Variants in SPTB observed in about 807,000 individuals in gnomAD.
SPTB encodes spectrin beta, erythrocytic, also known as spectrin beta chain, erythrocytic.
SPTB carries 45 observed loss-of-function variants against 256.2 expected under a neutral mutation model. The observed-to-expected ratio is 0.18, with a 90% confidence interval of 0.14 to 0.23. The LOEUF is 0.23. Ranked by LOEUF, SPTB falls within the 10% of genes least tolerant of loss-of-function variation. The pLI is 1.00. For missense variants in SPTB, 2,715 were observed against 3,040.4 expected (o/e 0.89, Z 2.52); for synonymous variants, 1,231 against 1,243.1 (o/e 0.99, Z 0.21).
At chr14:64,766,965 C>T (rs942781110) in intron 31 of SPTB, among the ~76,000 whole-genome samples, 164 bp from the exon 32 acceptor site, 5 of 152,170 alleles carry the variant, frequency 3.3e-5, no homozygotes, top group Non-Finnish European at 5.9e-5. Flanking sequence ...CGCCCAGCGA[C>T]TTCTTCGGAA....
At chr14:64,794,915 T>C (rs954760997) in intron 12 of SPTB, among the ~76,000 whole-genome samples, 7 of 152,206 alleles carry the variant, frequency 4.6e-5, no homozygotes, top group Admixed American at 1.3e-4. Flanking sequence ...CCAGGGGCAG[T>C]CTGATGTGTG....
intron 1 of SPTB, among the ~76,000 whole-genome samples, chr14:64,831,075 G>C (rs1243819529): frequency 6.6e-6 from 1 of 152,030 alleles, no homozygotes; most frequent in East Asian, 1.9e-4. Context: ...CCCTCAAGTG[G>C]AGGGGGCAGG....
chr14:64,764,409 G>A lies in SPTB; in HGVS notation c.6345+2317C>T, dbSNP rs551972234. On this transcript the variant is annotated intron_variant, in intron 32 of 35. Coordinates refer to ENST00000644917, the MANE Select transcript of SPTB (RefSeq NM_001355436.2). The surrounding 1 kb of genome is among the most constrained non-coding windows in gnomAD (Gnocchi z 4.2). ...AGGAAATCTGTGCGTGAGGCCTTGGGTCTGTGTTCGTTTGAGTCACCATCT... is the reference window on the plus strand; with the variant it reads ...AGGAAATCTGTGCGTGAGGCCTTGGATCTGTGTTCGTTTGAGTCACCATCT... Among the ~76,000 whole-genome samples, 1 of 152,226 alleles carries A rather than the reference G, an allele frequency of 6.6e-6. No homozygotes were observed. Among genetic ancestry groups the A allele is most frequent in the Non-Finnish European group, 1.5e-5 (1 of 68,038 alleles).
At position 64,852,360 on chromosome 14, in the gene SPTB, G is replaced by C. The variant is rs1012912317; in HGVS notation, c.-52+27432C>G. On this transcript the variant is annotated intron_variant, in intron 1 of 35. Coordinates refer to ENST00000644917, the MANE Select transcript of SPTB (RefSeq NM_001355436.2). The surrounding 1 kb of genome is among the most constrained non-coding windows in gnomAD (Gnocchi z 4.2). The stretch of plus-strand genomic sequence containing the variant: ...GCTACCAGTTCAGAGAGGGGTGAGA[G>C]ATAAGGCTGGGGGCCAGACAAGGGG... Among the ~76,000 whole-genome samples, 1 of 152,136 alleles carries C rather than the reference G, an allele frequency of 6.6e-6. No homozygotes were observed. Among genetic ancestry groups the C allele is most frequent in the African/African-American group, 2.4e-5 (1 of 41,406 alleles).
At position 64,772,952 on chromosome 14, in the gene SPTB, A is replaced by G. The variant is rs886050614; in HGVS notation, c.5181T>C (p.Leu1727=). The G allele has an allele frequency of 3.8e-6, 6 of 1,599,912 alleles. No homozygotes were observed. Among genetic ancestry groups the G allele is most frequent in the Non-Finnish European group, 5.1e-6 (6 of 1,173,286 alleles). The change falls in exon 26 of 36, where the codon CTT becomes CTC. Residue 1727 remains leucine, a splice_region_variant and synonymous_variant. Coordinates refer to ENST00000644917, the MANE Select transcript of SPTB (RefSeq NM_001355436.2). This position sits in a 1 kb window ranked among gnomAD's most constrained non-coding sequence, Gnocchi z 5.4. ...CAAAGTCCCGGAACTTGTCCCGCAG[A>G]AGCTAGGCATGGGGCAGACAGAAAT... ...EMGQDFDHVT[L]LRDKFRDFAR...
At chr14:64,804,797 T>C (rs1251255661) in intron 3 of SPTB, 142 bp downstream of exon 3, 2 of 1,109,082 alleles carry the variant, frequency 1.8e-6, no homozygotes, top group Non-Finnish European at 2.7e-6. Context: ...ACACGGATGC[T>C]TCCCATTCTA....
At chr14:64,787,287 A>AT in intron 15 of SPTB, 127 bp from the exon 16 acceptor site, 1 of 1,292,514 alleles carries the variant, frequency 7.7e-7, no homozygotes, top group Non-Finnish European at 1.1e-6. Context: ...TATGATAAAA[A>AT]GAAAAAAAAA....
intron 29 of SPTB, chr14:64,768,303 G>T: frequency 3.8e-6 from 1 of 260,138 alleles, no homozygotes; most frequent in Non-Finnish European, 7.6e-6. Context: ...GCCTCCCAAA[G>T]TGCTGGGATT....
intron 4 of SPTB, 98 bp downstream of exon 4, chr14:64,803,509 G>A: frequency 1.4e-6 from 2 of 1,463,786 alleles, no homozygotes; most frequent in Non-Finnish European, 1.9e-6. Context: ...CCCAGAATGT[G>A]CACTAACACC....
chr14:64,769,240 GC>G, intron 28 of SPTB, 122 bp from the exon 29 acceptor site: 1 of 988,976 alleles, frequency 1.0e-6, no homozygotes, highest in Non-Finnish European at 1.6e-6. Flanking sequence ...TCAAGTCTTG[GC>G]CCAGCTGCTT....
At position 64,786,702 on chromosome 14, in the gene SPTB, T is replaced by C; in HGVS notation, c.3263A>G (p.Asp1088Gly). 6.2e-7 allele frequency: 1 copy of C among 1,614,142 alleles called. No individual in the cohort carries two copies. Among genetic ancestry groups the C allele is most frequent in the East Asian group, 2.2e-5 (1 of 44,876 alleles). Residue 1088 changes from aspartate to glycine, a missense_variant, in exon 16 of 36, where the codon GAC (aspartate) becomes GGC (glycine). Asp to Gly is a moderately conservative substitution (Grantham distance 94, BLOSUM62 -1). Coordinates refer to ENST00000644917, the MANE Select transcript of SPTB (RefSeq NM_001355436.2). The surrounding 1 kb of genome is among the most constrained non-coding windows in gnomAD (Gnocchi z 5.6). ...AGCCTCTGGGAGGGATTCGGGCATG[T>C]CCTCAGAGGCCACAGCCTTCTGGGT... ...SITQKAVASE[D>G]MPESLPEAEQ...
intron 1 of SPTB, among the ~76,000 whole-genome samples, chr14:64,860,993 T>A (rs527366450): frequency 6.6e-6 from 1 of 152,316 alleles, no homozygotes; most frequent in South Asian, 2.1e-4. Context: ...ATGTGGTACA[T>A]ATACACCATG....
Position 64,769,019 on chromosome 14 carries a change from C to T in SPTB, c.6022+15G>A. On this transcript the variant is annotated intron_variant, in intron 29 of 35. Coordinates refer to ENST00000644917, the MANE Select transcript of SPTB (RefSeq NM_001355436.2). The stretch of plus-strand genomic sequence containing the variant: ...TACTCCTGCCCCTGGGCCCTGGCTC[C>T]AGGGCTGTACTCACACATGCGGAGC... 2 of 1,610,192 alleles carry T rather than the reference C, an allele frequency of 1.2e-6. No homozygotes were observed. Among genetic ancestry groups the T allele is most frequent in the Non-Finnish European group, 1.7e-6 (2 of 1,178,522 alleles).
rs772454723 is a variant in SPTB, at chr14:64,769,696, T to G, written c.5831A>C (p.Tyr1944Ser). The G allele has an allele frequency of 1.0e-4, 168 of 1,614,080 alleles. No homozygotes were observed. The highest frequency in any genetic ancestry group is 1.4e-4 in the Non-Finnish European group (164 of 1,180,044). Reference sequence around the variant, plus strand: ...AATCTCTGCATTGATGCCCTGGTGATACTTCATGAGCAGTTCCACAGAGGA... The same window carrying G: ...AATCTCTGCATTGATGCCCTGGTGAGACTTCATGAGCAGTTCCACAGAGGA... ...DVSSVELLMK[Y>S]HQGINAEIET... is the part of the protein sequence containing the mutation. Residue 1944 changes from tyrosine to serine, a missense_variant, in exon 28 of 36, where the codon TAT becomes TCT. Tyr to Ser is a moderately radical substitution (Grantham distance 144). Around this residue, in one of 4 missense-constraint regions of SPTB, gnomAD observed 2,239 missense variants for 2,384.4 expected, o/e 0.94. Transcript: ENST00000644917.
At chr14:64,878,330 G>A (rs1365362631) in intron 1 of SPTB, among the ~76,000 whole-genome samples, 1 of 152,114 alleles carries the variant, frequency 6.6e-6, no homozygotes, top group Non-Finnish European at 1.5e-5. Flanking sequence ...AAGCCTCCAG[G>A]CAAGCACAGG....
In SPTB at chr14:64,774,478, C is replaced by CGCT; in HGVS notation, c.4889_4891dup (p.Gln1630dup). The CGCT allele has an allele frequency of 6.4e-7, 1 of 1,556,216 alleles. No individual in the cohort carries two copies. The highest frequency in any genetic ancestry group is 2.4e-5 in the East Asian group (1 of 41,370). ...GTTCCGGCCGTAGTCCTCCACCGCACGCTGCTGCCGCAAATGTCGCTTCAG... is the reference window on the plus strand; with the variant it reads ...GTTCCGGCCGTAGTCCTCCACCGCACGCTGCTGCTGCCGCAAATGTCGCTTCAG... On this transcript the variant is annotated inframe_insertion, in exon 24 of 36. Coordinates refer to ENST00000644917, the MANE Select transcript of SPTB (RefSeq NM_001355436.2).
At position 64,801,755 on chromosome 14, in the gene SPTB, G is replaced by T; in HGVS notation, c.646C>A (p.Arg216=). 2 of 1,613,996 alleles carry T rather than the reference G, an allele frequency of 1.2e-6. No homozygotes were observed. The highest frequency in any genetic ancestry group is 1.7e-6 in the Non-Finnish European group (2 of 1,179,918). The part of the protein sequence containing the change: ...LAFNALIHKH[R]PDLIDFDKLK... Reference sequence around the variant, plus strand: ...CCACGGCTGTCCCCTCCCTCTTACCGGTGCTTGTGTATCAGGGCATTAAAG... The same window carrying T: ...CCACGGCTGTCCCCTCCCTCTTACCTGTGCTTGTGTATCAGGGCATTAAAG... Residue 216 remains arginine, a splice_region_variant and synonymous_variant, in exon 6 of 36, where the codon CGG becomes AGG. Coordinates refer to ENST00000644917, the MANE Select transcript of SPTB (RefSeq NM_001355436.2).
chr14:64,765,816 GTGTGAGTGTGTGTGT>G (rs1356236601), intron 32 of SPTB, among the ~76,000 whole-genome samples: 28 of 143,830 alleles, frequency 1.9e-4, no homozygotes, highest in African/African-American at 7.2e-4. Context: ...GTGTGTGTGT[GTGTGAGTGTGTGTGT>G]GTGTGGGGGT....
chr14:64,770,023 A>G (rs2082254237), intron 27 of SPTB, among the ~76,000 whole-genome samples: 1 of 152,230 alleles, frequency 6.6e-6, no homozygotes, highest in Non-Finnish European at 1.5e-5. Context: ...TGATGCTACA[A>G]CAGGGATGCA....
Sources: gnomAD v4.1 joint callset for allele counts (sites outside exome capture counted in the v4.1 genomes callset) on GRCh38, gnomAD v4.1.1 for gene constraint, gnomAD v4.1.1 regional missense constraint, Gnocchi (gnomAD v3.1) non-coding constraint, MANE v1.5 for transcripts, NCBI Gene and HGNC (gene_info 2026-07-23, HGNC 2026-07-21) for gene names.